The following SYPL1 variants were observed in gnomAD, a reference collection of about 807,000 sequenced individuals.
SYPL1 encodes the protein synaptophysin-like protein 1.
Under a neutral mutation model 23.7 loss-of-function variants are expected in SYPL1, and 6 were observed. The observed-to-expected ratio is 0.25, with a 90% CI of 0.14 to 0.50. SYPL1 has a LOEUF of 0.50. SYPL1 is among the 20% of genes least tolerant of loss of function. The pLI is 0.98. For synonymous variants in SYPL1, 102 were observed against 104.5 expected, an observed-to-expected ratio of 0.98 and a Z score of 0.15; for missense variants, 253 against 288.9, an observed-to-expected ratio of 0.88 and a Z score of 0.90.
chr7:106,106,181 A>C (rs1840587694), intron 1 of SYPL1, among the ~76,000 whole-genome samples: 1 of 152,214 alleles, frequency 6.6e-6, no homozygotes, highest in South Asian at 2.1e-4. Context: ...CTGACATAGT[A>C]AAACATGCAT....
At chr7:106,106,619 G>A (rs1840618731) in intron 1 of SYPL1, among the ~76,000 whole-genome samples, 1 of 151,762 alleles carries the variant, frequency 6.6e-6, no homozygotes, top group Non-Finnish European at 1.5e-5. Context: ...GCCAAGGCAG[G>A]TGATCGTTTG....
At chr7:106,103,778 T>A (rs1401746918) in intron 1 of SYPL1, among the ~76,000 whole-genome samples, 3 of 152,246 alleles carry the variant, frequency 2.0e-5, no homozygotes, top group African/African-American at 7.2e-5. Flanking sequence ...CATTTTTGCT[T>A]CCCATTGTAT....
chr7:106,106,556 A>T (rs555420850), intron 1 of SYPL1, among the ~76,000 whole-genome samples: 3 of 149,984 alleles, frequency 2.0e-5, no homozygotes, highest in Non-Finnish European at 4.5e-5. Context: ...TGTCTCAAAA[A>T]AAAAAAAGAC....
Position 106,112,309 on chromosome 7 carries a change from G to A in SYPL1, c.-101C>T. The A allele has an allele frequency of 7.5e-7, 1 of 1,341,208 alleles. No homozygotes were observed. Among genetic ancestry groups the A allele is most frequent in the Non-Finnish European group, 9.6e-7 (1 of 1,036,402 alleles). The allele number at this position is 1,341,208 out of a possible 1,614,324, so 83.1% of individuals were successfully genotyped here. A position where few individuals can be genotyped will look rare whatever the true frequency, so the allele number is the denominator to read the frequency against. Reference sequence around the variant, plus strand: ...TGGCGAGGAAGGGCAGGCGGGGCTGGCGCGCTGGCCGGGCTCGGAGGCGGG... The same window carrying A: ...TGGCGAGGAAGGGCAGGCGGGGCTGACGCGCTGGCCGGGCTCGGAGGCGGG... On this transcript the variant is annotated 5_prime_UTR_variant, in exon 1 of 5. Transcript: ENST00000455385.
chr7:106,111,993 C>G (rs1159146279), intron 1 of SYPL1, 147 bp downstream of exon 1: 2 of 1,036,004 alleles, frequency 1.9e-6, no homozygotes, highest in Non-Finnish European at 2.4e-6. Flanking sequence ...GGCCTCCCTG[C>G]CCTCCCTGCC....
rs1464437173 is a variant in SYPL1 at position 106,097,729 on chromosome 7, G to C, written c.363C>G (p.Tyr121Ter). Residue 121 changes from tyrosine to a stop codon, truncating the protein, a stop_gained, in exon 3 of 5, where the codon TAC becomes TAG. Coordinates refer to ENST00000455385, the MANE Select transcript of SYPL1 (RefSeq NM_182715.4). LOFTEE classifies it high-confidence loss of function. This position sits in a 1 kb window ranked among gnomAD's most constrained non-coding sequence, Gnocchi z 4.6. Reference protein sequence around the residue: ...CIAALLLYVGYTSLYLDSRKL... With the variant: ...CIAALLLYVG ...TACGACTATCCAGATACAGACTCGT[G>C]TAGCCAACATAAAGCAGAAGGGCAG... The C allele has an allele frequency of 6.2e-7, 1 of 1,613,854 alleles. No individual in the cohort carries two copies. The highest frequency in any genetic ancestry group is 8.5e-7 in the Non-Finnish European group (1 of 1,179,852).
In SYPL1 at chr7:106,097,638, A is replaced by C; in HGVS notation, c.402+52T>G. The C allele has an allele frequency of 1.4e-6, 2 of 1,461,322 alleles. No homozygotes were observed. Among genetic ancestry groups the C allele is most frequent in the Middle Eastern group, 3.6e-4 (2 of 5,518 alleles). The allele number at this position is 1,461,322 out of a possible 1,614,324, so 90.5% of individuals were successfully genotyped here. A position where few individuals can be genotyped will look rare whatever the true frequency, so the allele number is the denominator to read the frequency against. ...TTATTTCCAGTATAAGAAAATCTAT[A>C]TTTAGCTTATACAAATTATTTTTGT... On this transcript the variant is annotated intron_variant, in intron 3 of 4. Transcript: ENST00000455385. The surrounding 1 kb of genome is among the most constrained non-coding windows in gnomAD (Gnocchi z 4.6).
At chr7:106,111,221 G>T (rs995133848) in intron 1 of SYPL1, among the ~76,000 whole-genome samples, 3 of 152,198 alleles carry the variant, frequency 2.0e-5, no homozygotes, top group Admixed American at 2.0e-4. Context: ...ACAGGAAATT[G>T]AAAGTTCTTA....
chr7:106,109,138 GT>G lies in SYPL1; in HGVS notation c.69+3001del, dbSNP rs1260519602. 2.0e-5 allele frequency among the ~76,000 whole-genome samples: 3 copies of G among 152,334 alleles called. No individual in the cohort carries two copies. The highest frequency in any genetic ancestry group is 7.2e-5 in the African/African-American group (3 of 41,590). ...CCTTGACCCTTGAGTTCTCTTGTCA[GT>G]AGGATAAAATGGGAAATGCAAATAA... On this transcript the variant is annotated intron_variant, in intron 1 of 4. Transcript: ENST00000455385. This position sits in a 1 kb window ranked among gnomAD's most constrained non-coding sequence, Gnocchi z 4.3.
At chr7:106,093,322 C>A (rs1188592211) in intron 3 of SYPL1, 185 bp from the exon 4 acceptor site, 8 of 529,126 alleles carry the variant, frequency 1.5e-5, no homozygotes, top group Non-Finnish European at 2.2e-5. Flanking sequence ...AAGCACAGTG[C>A]CTGAGTTACA....
In SYPL1 at chr7:106,096,494, A is replaced by C. The variant is rs1840023681; in HGVS notation, c.402+1196T>G. On this transcript the variant is annotated intron_variant, in intron 3 of 4. Coordinates refer to ENST00000455385, the MANE Select transcript of SYPL1 (RefSeq NM_182715.4). This position sits in a 1 kb window ranked among gnomAD's most constrained non-coding sequence, Gnocchi z 4.4. ...CCTCTGTTTTCCCTTTAAGTCACTA[A>C]TAACTGACTTTGTAGTTACTCTTTT... Among the ~76,000 whole-genome samples, 1 of 152,200 alleles carries C rather than the reference A, an allele frequency of 6.6e-6. No homozygotes were observed.
chr7:106,107,462 C>T (rs1424594964), intron 1 of SYPL1, among the ~76,000 whole-genome samples: 5 of 152,126 alleles, frequency 3.3e-5, no homozygotes, highest in African/African-American at 7.2e-5. Context: ...GGATTATGGC[C>T]GGCTGCAGTG....
At position 106,102,988 on chromosome 7, in the gene SYPL1, TAATC is replaced by T. The variant is rs368789008; in HGVS notation, c.70-3710_70-3707del. On this transcript the variant is annotated intron_variant, in intron 1 of 4. Transcript: ENST00000455385. ...AAATTCAACTACAGAAAAAAAATCTTAATCAAGTCAGCTGTTGAATGTAAAACAA... is the reference window on the plus strand; with the variant it reads ...AAATTCAACTACAGAAAAAAAATCTTAAGTCAGCTGTTGAATGTAAAACAA... 1.5e-3 allele frequency among the ~76,000 whole-genome samples: 228 copies of T among 152,298 alleles called. 2 individuals are homozygous for T. The highest frequency in any genetic ancestry group is 5.1e-3 in the African/African-American group (214 of 41,586).
chr7:106,096,849 A>G lies in SYPL1; in HGVS notation c.402+841T>C, dbSNP rs1380471315. On this transcript the variant is annotated intron_variant, in intron 3 of 4. Transcript: ENST00000455385. The surrounding 1 kb of genome is among the most constrained non-coding windows in gnomAD (Gnocchi z 4.4). ...TCTGTTACAACTACTCAACTTTACC[A>G]TTGCAGTGTGAAAGCAGCCATAGGC... 6.6e-6 allele frequency among the ~76,000 whole-genome samples: 1 copy of G among 152,182 alleles called. No homozygotes were observed. The highest frequency in any genetic ancestry group is 1.9e-4 in the East Asian group (1 of 5,202).
In SYPL1 at chr7:106,099,416, G is replaced by A. The variant is rs565643201; in HGVS notation, c.70-134C>T. On this transcript the variant is annotated intron_variant, in intron 1 of 4. Transcript: ENST00000455385. Reference sequence around the variant, plus strand: ...AACATTCTAGAAATTCTTTTTTTGAGACAGGGTTTCTGTCGCCCAGACTGG... The same window carrying A: ...AACATTCTAGAAATTCTTTTTTTGAAACAGGGTTTCTGTCGCCCAGACTGG... The A allele has an allele frequency of 8.5e-5, 97 of 1,139,236 alleles. No individual in the cohort carries two copies. In the South Asian group the frequency reaches 1.3e-3, roughly 15 times the overall value. 70.6% of individuals were successfully genotyped at this position (1,139,236 alleles called of 1,614,324 possible). A position where few individuals can be genotyped will look rare whatever the true frequency, so the allele number is the denominator to read the frequency against.
At chr7:106,106,928 T>C (rs1413037552) in intron 1 of SYPL1, among the ~76,000 whole-genome samples, 2 of 152,260 alleles carry the variant, frequency 1.3e-5, no homozygotes, top group Non-Finnish European at 2.9e-5. Flanking sequence ...AGGATTCTAC[T>C]GGAGAATACT....
chr7:106,105,740 A>G (rs1045424303), intron 1 of SYPL1, among the ~76,000 whole-genome samples: 5 of 152,170 alleles, frequency 3.3e-5, no homozygotes, highest in African/African-American at 1.2e-4. Flanking sequence ...AGAAGGTCAC[A>G]TGTCAGTACA....
upstream of SYPL1, chr7:106,112,548 C>T (rs1314552091): frequency 2.7e-6 from 4 of 1,502,768 alleles, no homozygotes; most frequent in Middle Eastern, 1.7e-4. Flanking sequence ...CGCCGCGCCC[C>T]CTTCCCTGCG....
chr7:106,105,621 A>C (rs1450048474), intron 1 of SYPL1, among the ~76,000 whole-genome samples: 1 of 151,622 alleles, frequency 6.6e-6, no homozygotes, highest in African/African-American at 2.4e-5. Flanking sequence ...CTGGAGTACC[A>C]GAAGAAAATA....
Sources: allele counts gnomAD v4.1 joint callset (sites outside exome capture counted in the v4.1 genomes callset), GRCh38; gene constraint gnomAD v4.1.1; non-coding constraint Gnocchi (gnomAD v3.1); transcripts MANE v1.5; gene names NCBI Gene and HGNC (gene_info 2026-07-23, HGNC 2026-07-21).